SLC39A11: variants seen among roughly 807,000 people sequenced by gnomAD.
SLC39A11 encodes zinc transporter ZIP11.
A neutral mutation model predicts 36.1 loss-of-function variants in SLC39A11; 33 were observed. The ratio of observed to expected loss-of-function variants is 0.91; its 90% CI spans 0.69 to 1.22. The LOEUF (loss-of-function observed/expected upper bound fraction) is 1.22. SLC39A11 is among the 50% of genes most tolerant of loss of function. The pLI is 0.00. For missense variants in SLC39A11, 432 were observed against 430.3 expected (o/e 1.00, Z -0.03); for synonymous variants, 166 against 170.3 (o/e 0.97, Z 0.20).
intron 6 of SLC39A11, among the ~76,000 whole-genome samples, chr17:72,796,975 A>T (rs369808786): frequency 1.4e-4 from 21 of 152,250 alleles, no homozygotes; most frequent in African/African-American, 3.1e-4. Context: ...CATGTGTCAG[A>T]AGGGAGCTGT....
chr17:72,996,226 G>A (rs937050994), intron 4 of SLC39A11, among the ~76,000 whole-genome samples: 2 of 152,080 alleles, frequency 1.3e-5, no homozygotes, highest in East Asian at 1.9e-4. Flanking sequence ...CTGGTGTCTC[G>A]GCCCCGTCTC....
chr17:72,849,490 G>A, intron 6 of SLC39A11, 144 bp downstream of exon 6: 1 of 766,254 alleles, frequency 1.3e-6, no homozygotes, highest in Admixed American at 3.2e-5. Flanking sequence ...ATAAAGCCAA[G>A]AAAGATTTGT....
intron 5 of SLC39A11, among the ~76,000 whole-genome samples, chr17:72,865,329 G>A (rs1197941007): frequency 6.6e-6 from 1 of 150,912 alleles, no homozygotes; most frequent in Admixed American, 6.6e-5. Context: ...GTGAAATAGG[G>A]GGAAAAAATT....
At chr17:72,717,026 T>C (rs865815251) in intron 7 of SLC39A11, among the ~76,000 whole-genome samples, 248 of 130,222 alleles carry the variant, frequency 1.9e-3, no homozygotes, top group African/African-American at 6.7e-3. Context: ...CACACACACA[T>C]ATACACATAT....
At chr17:72,960,210 C>T (rs2086518088) in intron 4 of SLC39A11, among the ~76,000 whole-genome samples, 2 of 152,302 alleles carry the variant, frequency 1.3e-5, no homozygotes, top group African/African-American at 4.8e-5. Context: ...GGGGAAAAGG[C>T]ACTGGAACCC....
At chr17:72,828,498 T>G (rs2078126137) in intron 6 of SLC39A11, among the ~76,000 whole-genome samples, 1 of 152,182 alleles carries the variant, frequency 6.6e-6, no homozygotes, top group African/African-American at 2.4e-5. Flanking sequence ...AGAGGGGTAT[T>G]TGTCTCAAGC....
chr17:72,794,130 T>C (rs2076811036), intron 6 of SLC39A11, among the ~76,000 whole-genome samples: 1 of 152,126 alleles, frequency 6.6e-6, no homozygotes, highest in Admixed American at 6.5e-5. Context: ...ATTTTGCACC[T>C]TGGAGCTGAT....
chr17:72,868,407 G>C (rs56074141), intron 5 of SLC39A11, among the ~76,000 whole-genome samples: 5,773 of 151,864 alleles, frequency 0.038, 118 homozygotes, highest in Middle Eastern at 0.071. Context: ...TAAGTTTTAG[G>C]CCATGCTAAC....
chr17:72,812,946 G>A (rs8069460), intron 6 of SLC39A11, among the ~76,000 whole-genome samples: 10,794 of 151,474 alleles, frequency 0.071, 430 homozygotes, highest in Non-Finnish European at 0.083. Flanking sequence ...GCTCCTCCCC[G>A]CCCCTTAGTG....
chr17:72,729,434 TATATATATATATA>T (rs1567994801), intron 7 of SLC39A11, among the ~76,000 whole-genome samples: 95 of 3,472 alleles, frequency 0.027, 8 homozygotes, highest in African/African-American at 0.048. Context: ...TATATATATA[TATATATATATATA>T]TATATATATA....
intron 6 of SLC39A11, among the ~76,000 whole-genome samples, chr17:72,826,691 TA>T (rs2078043113): frequency 6.6e-6 from 1 of 152,114 alleles, no homozygotes; most frequent in Non-Finnish European, 1.5e-5. Context: ...ACCCCCAAAG[TA>T]AGAACTACTA....
At chr17:72,835,311 A>G (rs1598923571) in intron 6 of SLC39A11, among the ~76,000 whole-genome samples, 1 of 152,186 alleles carries the variant, frequency 6.6e-6, no homozygotes, top group East Asian at 1.9e-4. Flanking sequence ...TGACGTCCCC[A>G]TTTAAGACCT....
chr17:72,908,405 C>T (rs953078694), intron 5 of SLC39A11, among the ~76,000 whole-genome samples: 2 of 152,216 alleles, frequency 1.3e-5, no homozygotes, highest in Non-Finnish European at 2.9e-5. Flanking sequence ...CTGCTAGCCA[C>T]ACACACAGGG....
intron 4 of SLC39A11, among the ~76,000 whole-genome samples, chr17:73,027,035 T>A (rs967371909): frequency 6.6e-6 from 1 of 151,906 alleles, no homozygotes; most frequent in Non-Finnish European, 1.5e-5. Flanking sequence ...GGTGGGAGGA[T>A]CACTGGATCC....
chr17:72,694,470 C>T (rs1232540264), intron 7 of SLC39A11, among the ~76,000 whole-genome samples: 1 of 152,224 alleles, frequency 6.6e-6, no homozygotes, highest in African/African-American at 2.4e-5. Context: ...ATCACGATAC[C>T]CGGATCTCAG....
chr17:72,863,723 A>C (rs2080160460), intron 5 of SLC39A11, among the ~76,000 whole-genome samples: 1 of 152,216 alleles, frequency 6.6e-6, no homozygotes, highest in Non-Finnish European at 1.5e-5. Context: ...GGCAGGTGGT[A>C]GGGGTGGGCT....
intron 6 of SLC39A11, among the ~76,000 whole-genome samples, chr17:72,794,096 C>T (rs532437659): frequency 6.6e-6 from 1 of 152,280 alleles, no homozygotes; most frequent in African/African-American, 2.4e-5. Flanking sequence ...CTGAGAGAAG[C>T]TTTACCCATC....
rs529853423 is a variant in SLC39A11 at position 72,788,496 on chromosome 17, C to T, written c.602-51777G>A. 5.9e-5 allele frequency among the ~76,000 whole-genome samples: 9 copies of T among 152,342 alleles called. No individual in the cohort carries two copies. In the South Asian group the frequency reaches 1.9e-3, roughly 32 times the overall value. On this transcript the variant is annotated intron_variant, in intron 6 of 9. Transcript: ENST00000255559. ...CAATGTCACACGACCAGGCAGCAGT[C>T]CCAGGCTGTACTTTCCTTCAATTTT...
chr17:72,732,061 TTTTTTGA>T, intron 7 of SLC39A11, among the ~76,000 whole-genome samples: 1 of 126,918 alleles, frequency 7.9e-6, no homozygotes. Context: ...TTTTTTTTTT[TTTTTTGA>T]GACAGAGTCT....
Sources: gnomAD v4.1 joint callset for allele counts (sites outside exome capture counted in the v4.1 genomes callset) on GRCh38, gnomAD v4.1.1 for gene constraint, MANE v1.5 for transcripts, NCBI Gene and HGNC (gene_info 2026-07-23, HGNC 2026-07-21) for gene names.